Variants in LPP observed in about 807,000 individuals in gnomAD.
LPP encodes LIM domain containing preferred translocation partner in lipoma, also known as lipoma-preferred partner.
LPP carries 38 observed loss-of-function variants against 60.4 expected under a neutral mutation model. The observed-to-expected ratio is 0.63, with a 90% confidence interval of 0.49 to 0.83. The LOEUF (loss-of-function observed/expected upper bound fraction) is 0.83, where lower values mean the gene tolerates loss of function less well. Among genes scored for constraint, LPP ranks in the 40% least tolerant of loss-of-function variants. The pLI is 0.00. For synonymous variants in LPP, 328 were observed against 290.8 expected (o/e 1.13, Z -1.30); for missense variants, 902 against 783.6 (o/e 1.15, Z -1.80).
intron 2 of LPP, among the ~76,000 whole-genome samples, chr3:188,309,274 C>A (rs1752636506): frequency 6.6e-6 from 1 of 151,992 alleles, no homozygotes; most frequent in Non-Finnish European, 1.5e-5. Context: ...ACCTGCCTTG[C>A]CCTCCCAAAG....
intron 6 of LPP, among the ~76,000 whole-genome samples, chr3:188,558,359 C>G (rs1174913626): frequency 6.6e-6 from 1 of 152,072 alleles, no homozygotes; most frequent in African/African-American, 2.4e-5. Flanking sequence ...CCATTCATCA[C>G]TTCCTACCTG....
intron 4 of LPP, among the ~76,000 whole-genome samples, chr3:188,470,149 G>A (rs370107632): frequency 3.9e-5 from 6 of 151,952 alleles, no homozygotes; most frequent in South Asian, 2.1e-4. Context: ...TTTTAATGTC[G>A]CAGAGCTATT....
chr3:188,225,933 A>G (rs560644943), intron 2 of LPP, among the ~76,000 whole-genome samples: 1 of 152,356 alleles, frequency 6.6e-6, no homozygotes, highest in South Asian at 2.1e-4. Flanking sequence ...ATTTACAAGG[A>G]AAGAAAGCAG....
chr3:188,199,903 C>T (rs981497033), intron 1 of LPP, among the ~76,000 whole-genome samples: 12 of 151,826 alleles, frequency 7.9e-5, no homozygotes, highest in African/African-American at 2.4e-4. Context: ...TTAGTAGAGA[C>T]GGGGTTTCAC....
Position 188,785,547 on chromosome 3 carries a change from T to TATATATATATACAC in LPP, c.1410+25266_1410+25267insTATATATATACACA, listed in dbSNP as rs1206082559. Among the ~76,000 whole-genome samples, 12 of 43,846 alleles carry TATATATATATACAC rather than the reference T, an allele frequency of 2.7e-4. 1 individual carries two copies. The highest frequency in any genetic ancestry group is 1.0e-3 in the African/African-American group (11 of 10,630). 28.8% of individuals were successfully genotyped at this position (43,846 alleles called of 152,430 possible). ...ATATATATTCCATCATATATATATA[T>TATATATATATACAC]ACACACACACACACACACACACACA... On this transcript the variant is annotated intron_variant, in intron 9 of 11. Coordinates refer to ENST00000617246, the MANE Select transcript of LPP (RefSeq NM_001375462.1).
chr3:188,203,575 T>A (rs1272362144), intron 1 of LPP, among the ~76,000 whole-genome samples: 19 of 99,216 alleles, frequency 1.9e-4, no homozygotes, highest in African/African-American at 6.5e-4. Flanking sequence ...AAATATATAT[T>A]TAAATATATA....
rs76913213 is a variant in LPP at position 188,164,339 on chromosome 3, T to C, written c.-190+10087T>C. 4.5e-3 allele frequency among the ~76,000 whole-genome samples: 682 copies of C among 152,306 alleles called. 22 individuals carry two copies. In the East Asian group the frequency reaches 0.091, roughly 20 times the overall value. On this transcript the variant is annotated intron_variant, in intron 1 of 11. Transcript: ENST00000617246. ...ATCCAGTGGCCCATCTTGATAATGA[T>C]CTCTAGCTGTAACCGTGGAAGCCTA...
rs77976061 is a variant in LPP, at chr3:188,529,400, T to C, written c.429+4613T>C. On this transcript the variant is annotated intron_variant, in intron 6 of 11. Transcript: ENST00000617246. ...GGCTAGTAGGTCTGTGATTTCTCAT[T>C]AGTCAAACATGTGTTGTAAGCTTTT... 6.3e-4 allele frequency among the ~76,000 whole-genome samples: 96 copies of C among 152,300 alleles called. 1 individual carries two copies. Among genetic ancestry groups the C allele is most frequent in the African/African-American group, 2.2e-3 (90 of 41,560 alleles).
At chr3:188,206,018 T>C (rs1457754633) in intron 1 of LPP, among the ~76,000 whole-genome samples, 3 of 152,184 alleles carry the variant, frequency 2.0e-5, no homozygotes. Context: ...TTGCTAACAC[T>C]GAGAGGCAGA....
At chr3:188,331,908 AT>A (rs1026997497) in intron 2 of LPP, among the ~76,000 whole-genome samples, 10 of 152,200 alleles carry the variant, frequency 6.6e-5, no homozygotes, top group African/African-American at 1.9e-4. Context: ...TTCCAAGACT[AT>A]TTTTAAGGAT....
At chr3:188,532,341 C>T (rs1822411396) in intron 6 of LPP, among the ~76,000 whole-genome samples, 1 of 152,156 alleles carries the variant, frequency 6.6e-6, no homozygotes, top group Non-Finnish European at 1.5e-5. Context: ...AGGAGAATTG[C>T]TTGAACCTAG....
chr3:188,788,184 T>C (rs540118925), intron 9 of LPP, among the ~76,000 whole-genome samples: 3 of 152,226 alleles, frequency 2.0e-5, no homozygotes, highest in Non-Finnish European at 4.4e-5. Flanking sequence ...CTTCAGTGTT[T>C]TCTAGTGACT....
rs941279869 is a variant in LPP at position 188,332,208 on chromosome 3, A to G, written c.-66-9455A>G. On this transcript the variant is annotated intron_variant, in intron 2 of 11. Coordinates refer to ENST00000617246, the MANE Select transcript of LPP (RefSeq NM_001375462.1). ...TTTCTTGACAAATATGTTTTCTTCT[A>G]TGTGAATTTTCGCAGCTGCTGCCTA... Among the ~76,000 whole-genome samples the G allele has an allele frequency of 1.1e-4, 17 of 152,190 alleles. No individual in the cohort carries two copies. The East Asian group carries it at 3.1e-3, about 28-fold the overall frequency.
chr3:188,483,592 G>A (rs11708276), intron 4 of LPP, among the ~76,000 whole-genome samples: 24,992 of 152,084 alleles, frequency 0.16, 2,306 homozygotes, highest in East Asian at 0.28. Context: ...TATTTAAAAA[G>A]GTTTCATTCC....
chr3:188,382,062 A>G (rs1777057359), intron 3 of LPP, among the ~76,000 whole-genome samples: 1 of 152,016 alleles, frequency 6.6e-6, no homozygotes, highest in African/African-American at 2.4e-5. Flanking sequence ...TGGTGGGATT[A>G]CAGGCATAAG....
At chr3:188,255,096 C>T (rs1300215137) in intron 2 of LPP, among the ~76,000 whole-genome samples, 2 of 152,210 alleles carry the variant, frequency 1.3e-5, no homozygotes, top group African/African-American at 4.8e-5. Context: ...CAACACAAGG[C>T]TGTGAGTTGT....
At chr3:188,452,197 G>A (rs141883340) in intron 4 of LPP, among the ~76,000 whole-genome samples, 57 of 152,258 alleles carry the variant, frequency 3.7e-4, no homozygotes, top group Non-Finnish European at 5.6e-4. Flanking sequence ...GAAATGTGTC[G>A]TTAACATTAA....
chr3:188,509,734 C>T, intron 5 of LPP, among the ~76,000 whole-genome samples: 1 of 147,510 alleles, frequency 6.8e-6, no homozygotes, highest in African/African-American at 2.5e-5. Flanking sequence ...ACTCTGTCGC[C>T]CAGGCTGGAG....
chr3:188,543,321 A>G (rs1825708322), intron 6 of LPP, among the ~76,000 whole-genome samples: 1 of 152,046 alleles, frequency 6.6e-6, no homozygotes, highest in African/African-American at 2.4e-5. Flanking sequence ...TCTTTTTGCC[A>G]TGCAACAAAT....
Sources: gnomAD v4.1 joint callset for allele counts (sites outside exome capture counted in the v4.1 genomes callset) on GRCh38, gnomAD v4.1.1 for gene constraint, MANE v1.5 for transcripts, NCBI Gene and HGNC (gene_info 2026-07-23, HGNC 2026-07-21) for gene names.